The following PCDHGA6 variants were observed in gnomAD, a reference collection of about 807,000 sequenced individuals.
PCDHGA6 encodes protocadherin gamma subfamily A, 6, also known as protocadherin gamma-A6.
Under a neutral mutation model 60.6 loss-of-function variants are expected in PCDHGA6, and 41 were observed. The observed-to-expected ratio is 0.68, with a 90% CI of 0.53 to 0.88. PCDHGA6 has a LOEUF of 0.88. Ranked by LOEUF, PCDHGA6 falls within the 40% of genes least tolerant of loss-of-function variation. PCDHGA6 has a pLI of 0.00. For missense variants in PCDHGA6, 1,312 were observed against 1,203.0 expected (o/e 1.09, Z -1.34); for synonymous variants, 594 against 524.4 (o/e 1.13, Z -1.81).
At chr5:141,406,259 ATCT>A (rs1419106691) in intron 1 of PCDHGA6, among the ~76,000 whole-genome samples, 1 of 151,904 alleles carries the variant, frequency 6.6e-6, no homozygotes, top group East Asian at 1.9e-4. Flanking sequence ...GTCTCAAACG[ATCT>A]TCCTGCTTCA....
chr5:141,486,408 C>T lies in PCDHGA6; in HGVS notation c.2425-8399C>T. On this transcript the variant is annotated intron_variant, in intron 1 of 3. Coordinates refer to ENST00000517434, the MANE Select transcript of PCDHGA6 (RefSeq NM_018919.3). This position sits in a 1 kb window ranked among gnomAD's most constrained non-coding sequence, Gnocchi z 5.0. ...CAGTTCTCCCTGGTGACTGCTGGAC[C>T]CTTGGATCGAGAGGCCAAATCTAGC... is the stretch of plus-strand genomic sequence containing the variant. The T allele has an allele frequency of 1.2e-6, 2 of 1,614,156 alleles. No individual in the cohort carries two copies. Among genetic ancestry groups the T allele is most frequent in the South Asian group, 2.2e-5 (2 of 91,084 alleles).
At chr5:141,400,415 T>C (rs1054517262) in intron 1 of PCDHGA6, 16 of 1,614,080 alleles carry the variant, frequency 9.9e-6, no homozygotes, top group Non-Finnish European at 1.3e-5. Flanking sequence ...TTTAATTTCC[T>C]AAAATGTAGT....
At position 141,491,448 on chromosome 5, in the gene PCDHGA6, A is replaced by G; in HGVS notation, c.2425-3359A>G. ...GGCAGTGCTGCAGGCGCCAGGACTC[A>G]CCCTCCCCGGACTTCTATAAGCAGT... On this transcript the variant is annotated intron_variant, in intron 1 of 3. Coordinates refer to ENST00000517434, the MANE Select transcript of PCDHGA6 (RefSeq NM_018919.3). The surrounding 1 kb of genome is among the most constrained non-coding windows in gnomAD (Gnocchi z 6.9). The G allele has an allele frequency of 6.2e-7, 1 of 1,613,792 alleles. No homozygotes were observed. The highest frequency in any genetic ancestry group is 8.5e-7 in the Non-Finnish European group (1 of 1,179,986).
intron 2 of PCDHGA6, among the ~76,000 whole-genome samples, chr5:141,504,355 C>T (rs974022699): frequency 6.6e-6 from 1 of 152,078 alleles, no homozygotes; most frequent in Non-Finnish European, 1.5e-5. Flanking sequence ...GTGCTAGGTG[C>T]TTCAGTAGGA....
At chr5:141,419,741 A>G (rs769795920) in intron 1 of PCDHGA6, 1 of 1,613,856 alleles carries the variant, frequency 6.2e-7, no homozygotes. Context: ...CGAGGTGCGC[A>G]TGGTGCGTGC....
intron 2 of PCDHGA6, among the ~76,000 whole-genome samples, chr5:141,502,239 A>G (rs2099813426): frequency 6.6e-6 from 1 of 152,148 alleles, no homozygotes; most frequent in Admixed American, 6.5e-5. Flanking sequence ...GTGTTCTTTT[A>G]TCCTTTTTTT....
At chr5:141,434,392 CA>C (rs1377925864) in intron 1 of PCDHGA6, among the ~76,000 whole-genome samples, 2 of 152,210 alleles carry the variant, frequency 1.3e-5, no homozygotes, top group Non-Finnish European at 2.9e-5. Context: ...TGGCCATAAA[CA>C]AAATCTCTGC....
rs9324852 is a variant in PCDHGA6, at chr5:141,510,333, C to T, written c.2573-614C>T. On this transcript the variant is annotated intron_variant, in intron 3 of 3. Coordinates refer to ENST00000517434, the MANE Select transcript of PCDHGA6 (RefSeq NM_018919.3). ...AGGCTTGGAAGAGCACTCTTCACCC[C>T]CACCCCACACACTTACTAACGGAAC... Among the ~76,000 whole-genome samples the T allele has an allele frequency of 2.4e-3, 367 of 151,698 alleles. 1 individual carries two copies. Among genetic ancestry groups the T allele is most frequent in the African/African-American group, 8.4e-3 (348 of 41,384 alleles).
chr5:141,426,491 G>A, intron 1 of PCDHGA6: 1 of 336,822 alleles, frequency 3.0e-6, no homozygotes, highest in South Asian at 2.4e-5. Flanking sequence ...CTTAGAGTTA[G>A]TGCAGAGAAA....
rs201458472 is a variant in PCDHGA6 at position 141,403,860 on chromosome 5, C to T, written c.2424+27353C>T. 1.5e-5 allele frequency: 25 copies of T among 1,613,382 alleles called. No individual in the cohort carries two copies. In the Admixed American group the frequency reaches 2.7e-4, roughly 17 times the overall value. Reference sequence around the variant, plus strand: ...AATGAAAATACTGGGGAAATATCAACAGCAAAAAGTCTAGATTATGAAGAA... The same window carrying T: ...AATGAAAATACTGGGGAAATATCAATAGCAAAAAGTCTAGATTATGAAGAA... On this transcript the variant is annotated intron_variant, in intron 1 of 3. Coordinates refer to ENST00000517434, the MANE Select transcript of PCDHGA6 (RefSeq NM_018919.3).
intron 1 of PCDHGA6, chr5:141,478,196 C>T: frequency 6.2e-7 from 1 of 1,614,068 alleles, no homozygotes; most frequent in Middle Eastern, 1.6e-4. Context: ...CACCTTTTAT[C>T]TACTTCTTTC....
At chr5:141,456,968 AAAAC>A (rs202005606) in intron 1 of PCDHGA6, among the ~76,000 whole-genome samples, 2,421 of 152,270 alleles carry the variant, frequency 0.016, 37 homozygotes, top group Non-Finnish European at 0.025. Context: ...ATCTCAAAAC[AAAAC>A]AAACAAACAA....
intron 1 of PCDHGA6, chr5:141,413,097 C>T (rs531228946): frequency 1.4e-6 from 2 of 1,447,922 alleles, no homozygotes; most frequent in African/African-American, 1.4e-5. Flanking sequence ...CACCCTGAAG[C>T]CACAGAAAGA....
At chr5:141,508,927 A>C (rs1562237319) in intron 3 of PCDHGA6, among the ~76,000 whole-genome samples, 1 of 151,542 alleles carries the variant, frequency 6.6e-6, no homozygotes. Context: ...TTCCTTTTGG[A>C]GTTAATTAGG....
intron 1 of PCDHGA6, among the ~76,000 whole-genome samples, chr5:141,488,007 G>A (rs1269050547): frequency 6.6e-6 from 1 of 152,178 alleles, no homozygotes; most frequent in African/African-American, 2.4e-5. Flanking sequence ...ATCAGATTCT[G>A]AAGTACCTTA....
Position 141,374,137 on chromosome 5 carries a change from G to A in PCDHGA6, c.54G>A (p.Thr18=). 6.2e-7 allele frequency: 1 copy of A among 1,606,330 alleles called. No individual in the cohort carries two copies. ...GCAGCGAGCAGGTCCTGCTCCTCAC[G>A]CTCCTGGGGACGCTGTGGGGGGCCG... The part of the protein sequence containing the change: ...PQRSEQVLLL[T]LLGTLWGAAA... The change falls in exon 1 of 4, where the codon ACG becomes ACA. Residue 18 remains threonine (T), a synonymous_variant. Transcript: ENST00000517434.
rs759095332 is a variant in PCDHGA6, at chr5:141,432,306, C to T, written c.2424+55799C>T. 1 of 1,614,250 alleles carries T rather than the reference C, an allele frequency of 6.2e-7. No homozygotes were observed. On this transcript the variant is annotated intron_variant, in intron 1 of 3. Coordinates refer to ENST00000517434, the MANE Select transcript of PCDHGA6 (RefSeq NM_018919.3). This position sits in a 1 kb window ranked among gnomAD's most constrained non-coding sequence, Gnocchi z 6.0. ...AACTCCGACACTGGGGTACTGTATG[C>T]GCTGAGCTCCTTCGACTACGAGCAG...
chr5:141,423,513 G>C, intron 1 of PCDHGA6: 3 of 1,613,750 alleles, frequency 1.9e-6, no homozygotes, highest in Non-Finnish European at 1.7e-6. Flanking sequence ...CTCTCATTGC[G>C]GACTCGCAGA....
chr5:141,467,409 C>T (rs2099143590), intron 1 of PCDHGA6, among the ~76,000 whole-genome samples: 1 of 152,132 alleles, frequency 6.6e-6, no homozygotes, highest in South Asian at 2.1e-4. Context: ...GAAAGCCTTT[C>T]CCCACACCTA....
Sources: gnomAD v4.1 joint callset for allele counts (sites outside exome capture counted in the v4.1 genomes callset) on GRCh38, gnomAD v4.1.1 for gene constraint, Gnocchi (gnomAD v3.1) non-coding constraint, MANE v1.5 for transcripts, NCBI Gene and HGNC (gene_info 2026-07-23, HGNC 2026-07-21) for gene names.